Variants in PPP2R5E observed in about 807,000 individuals in gnomAD.
The protein encoded by PPP2R5E is protein phosphatase 2 regulatory subunit B'epsilon, also known as serine/threonine-protein phosphatase 2A 56 kDa regulatory subunit epsilon isoform.
In PPP2R5E, 4 loss-of-function variants were observed where a neutral mutation model predicts 65.3. That is an observed-to-expected ratio of 0.06 (90% CI 0.03 to 0.14). The LOEUF is 0.14. Among genes scored for constraint, PPP2R5E ranks in the 10% least tolerant of loss-of-function variants. PPP2R5E has a pLI of 1.00. For synonymous variants in PPP2R5E, 183 were observed against 187.4 expected, an observed-to-expected ratio of 0.98 and a Z score of 0.19; for missense variants, 274 against 556.1, an observed-to-expected ratio of 0.49 and a Z score of 5.10.
At position 63,372,277 on chromosome 14, in the gene PPP2R5E, C is replaced by G. The variant is rs536886211; in HGVS notation, c.*3732G>C. 6.6e-6 allele frequency: 1 copy of G among 152,246 alleles called. No homozygotes were observed. The highest frequency in any genetic ancestry group is 2.4e-5 in the African/African-American group (1 of 41,550). 9.4% of individuals were successfully genotyped at this position (152,246 alleles called of 1,614,324 possible). On this transcript the variant is annotated 3_prime_UTR_variant, in exon 14 of 14. Transcript: ENST00000337537. The stretch of plus-strand genomic sequence containing the variant: ...TCAACTTTCTCTCAAGATGCACAAT[C>G]CTTCTTTTAGGTTTTCAAAATTAAA...
intron 2 of PPP2R5E, among the ~76,000 whole-genome samples, chr14:63,490,793 A>C (rs754552858): frequency 3.3e-5 from 5 of 152,142 alleles, no homozygotes; most frequent in Admixed American, 1.3e-4. Flanking sequence ...TGGGATTGTA[A>C]ATTAGTTCAG....
chr14:63,431,765 A>G (rs1887682978), intron 3 of PPP2R5E, among the ~76,000 whole-genome samples: 1 of 152,226 alleles, frequency 6.6e-6, no homozygotes, highest in African/African-American at 2.4e-5. Flanking sequence ...AGAAATCCGG[A>G]AGAGGATTTA....
intron 2 of PPP2R5E, among the ~76,000 whole-genome samples, chr14:63,523,504 A>T (rs1893055945): frequency 6.6e-6 from 1 of 152,034 alleles, no homozygotes; most frequent in Non-Finnish European, 1.5e-5. Context: ...CAGATGCTTG[A>T]AGGCAGCATG....
rs532696610 is a variant in PPP2R5E at position 63,480,751 on chromosome 14, C to A, written c.158-26866G>T. Among the ~76,000 whole-genome samples, 41 of 152,246 alleles carry A rather than the reference C, an allele frequency of 2.7e-4. No individual in the cohort carries two copies. In the Middle Eastern group the frequency reaches 0.024, roughly 88 times the overall value. On this transcript the variant is annotated intron_variant, in intron 2 of 13. Transcript: ENST00000337537. ...ATGAGCCACTGTGCCTGGCCAGACTCCATTTTTTTATGTATTTCATCCTAA... is the reference window on the plus strand; with the variant it reads ...ATGAGCCACTGTGCCTGGCCAGACTACATTTTTTTATGTATTTCATCCTAA...
intron 2 of PPP2R5E, among the ~76,000 whole-genome samples, chr14:63,495,095 T>C (rs1218149086): frequency 6.6e-6 from 1 of 151,140 alleles, no homozygotes; most frequent in Non-Finnish European, 1.5e-5. Context: ...CCCAGCTACT[T>C]GGGAGGCTGA....
intron 3 of PPP2R5E, 40 bp downstream of exon 3, chr14:63,453,649 A>C (rs756749210): frequency 3.2e-6 from 5 of 1,582,198 alleles, no homozygotes; most frequent in East Asian, 2.2e-5. Context: ...TCACTATGGA[A>C]GATGCTTAAA....
chr14:63,509,946 T>C (rs572113245), intron 2 of PPP2R5E, among the ~76,000 whole-genome samples: 1 of 152,184 alleles, frequency 6.6e-6, no homozygotes, highest in Non-Finnish European at 1.5e-5. Flanking sequence ...TCAACACCAC[T>C]ACCTGAGCAT....
At chr14:63,408,682 A>G (rs1311028087) in intron 5 of PPP2R5E, among the ~76,000 whole-genome samples, 1 of 152,234 alleles carries the variant, frequency 6.6e-6, no homozygotes. Context: ...GATTATATAG[A>G]CATCTTTCTG....
Position 63,372,967 on chromosome 14 carries a change from A to G in PPP2R5E, c.*3042T>C, listed in dbSNP as rs1486296210. 1.3e-5 allele frequency: 2 copies of G among 151,798 alleles called. No individual in the cohort carries two copies. Among genetic ancestry groups the G allele is most frequent in the Non-Finnish European group, 2.9e-5 (2 of 67,912 alleles). The allele number at this position is 151,798 out of a possible 1,614,324, so 9.4% of individuals were successfully genotyped here. A position where few individuals can be genotyped will look rare whatever the true frequency, so the allele number is the denominator to read the frequency against. On this transcript the variant is annotated 3_prime_UTR_variant, in exon 14 of 14. Transcript: ENST00000337537. ...TAAAAAACAGTCAAATGTTAGGGAG[A>G]GCAAAATATAATAAAATTTAAAAGG...
intron 3 of PPP2R5E, among the ~76,000 whole-genome samples, chr14:63,429,148 C>A (rs1887491769): frequency 6.6e-6 from 1 of 152,202 alleles, no homozygotes; most frequent in Admixed American, 6.5e-5. Flanking sequence ...ACTTGTACCA[C>A]AGTATAACAA....
rs146418364 is a variant in PPP2R5E at position 63,395,093 on chromosome 14, C to T, written c.740+133G>A. Reference sequence around the variant, plus strand: ...CTTGTAGAGTCAGCTGGAAAATATGCTAATAGGCACAAATGAGAGAGACCC... The same window carrying T: ...CTTGTAGAGTCAGCTGGAAAATATGTTAATAGGCACAAATGAGAGAGACCC... On this transcript the variant is annotated intron_variant, in intron 7 of 13. Transcript: ENST00000337537. 2,648 of 682,922 alleles carry T rather than the reference C, an allele frequency of 3.9e-3. 19 individuals are homozygous for T. Among genetic ancestry groups the T allele is most frequent in the Non-Finnish European group, 4.7e-3 (1,871 of 399,012 alleles). 42.3% of individuals were successfully genotyped at this position (682,922 alleles called of 1,614,324 possible).
At chr14:63,425,530 A>G (rs1020628549) in intron 3 of PPP2R5E, among the ~76,000 whole-genome samples, 2 of 152,212 alleles carry the variant, frequency 1.3e-5, no homozygotes, top group African/African-American at 4.8e-5. Context: ...GCTTCTCTAT[A>G]GTAAAAAATC....
At chr14:63,411,359 C>T (rs958896069) in intron 5 of PPP2R5E, among the ~76,000 whole-genome samples, 1 of 152,128 alleles carries the variant, frequency 6.6e-6, no homozygotes, top group African/African-American at 2.4e-5. Flanking sequence ...TCTAAAGGCT[C>T]CTATCTCAAC....
intron 11 of PPP2R5E, among the ~76,000 whole-genome samples, chr14:63,387,104 C>G (rs959716890): frequency 2.0e-5 from 3 of 152,024 alleles, no homozygotes; most frequent in Admixed American, 2.0e-4. Context: ...ACAGATAAAG[C>G]AGGAGGCAAG....
intron 5 of PPP2R5E, among the ~76,000 whole-genome samples, chr14:63,404,361 C>T (rs540771281): frequency 1.3e-5 from 2 of 152,216 alleles, no homozygotes; most frequent in African/African-American, 4.8e-5. Context: ...TCCAAAGTGC[C>T]ACAGAGCACT....
intron 7 of PPP2R5E, among the ~76,000 whole-genome samples, chr14:63,394,152 G>C (rs1885196313): frequency 7.2e-6 from 1 of 138,084 alleles, no homozygotes; most frequent in Admixed American, 8.2e-5. Context: ...CCCAATCTCA[G>C]CTCACTGCAA....
intron 5 of PPP2R5E, among the ~76,000 whole-genome samples, chr14:63,406,079 C>T (rs1401847305): frequency 6.6e-6 from 1 of 152,094 alleles, no homozygotes; most frequent in Non-Finnish European, 1.5e-5. Flanking sequence ...AACAACAAAA[C>T]CCTTCAAACA....
intron 13 of PPP2R5E, among the ~76,000 whole-genome samples, chr14:63,378,411 A>G (rs1884111532): frequency 6.6e-6 from 1 of 152,232 alleles, no homozygotes; most frequent in African/African-American, 2.4e-5. Context: ...TAGCGTTCCA[A>G]TAATGGAACA....
intron 2 of PPP2R5E, among the ~76,000 whole-genome samples, chr14:63,504,198 G>A (rs1842013150): frequency 1.3e-5 from 2 of 151,940 alleles, no homozygotes; most frequent in South Asian, 2.1e-4. Context: ...AAATTTCAAA[G>A]TTCCAAATAC....
Sources: allele counts gnomAD v4.1 joint callset (sites outside exome capture counted in the v4.1 genomes callset), GRCh38; gene constraint gnomAD v4.1.1; transcripts MANE v1.5; gene names NCBI Gene and HGNC (gene_info 2026-07-23, HGNC 2026-07-21).